JMJD1C: variants seen among roughly 807,000 people sequenced by gnomAD.
JMJD1C encodes the protein jumonji domain containing 1C.
A neutral mutation model predicts 245.3 loss-of-function variants in JMJD1C; 31 were observed. The observed-to-expected ratio is 0.13, with a 90% confidence interval of 0.09 to 0.17. The LOEUF is 0.17. JMJD1C is among the 10% of genes least tolerant of loss of function. The pLI is 1.00. For missense variants in JMJD1C, 2,691 were observed against 3,000.2 expected, an observed-to-expected ratio of 0.90 and a Z score of 2.41; for synonymous variants, 1,057 against 1,017.4, an observed-to-expected ratio of 1.04 and a Z score of -0.74.
Position 63,194,388 on chromosome 10 carries a change from A to G in JMJD1C, c.5645-13T>C, listed in dbSNP as rs760597102. Reference sequence around the variant, plus strand: ...TATAGTTCTTTATCTGTAAGATAATAAAACTTGTATATCACACTCATGGTT... The same window carrying G: ...TATAGTTCTTTATCTGTAAGATAATGAAACTTGTATATCACACTCATGGTT... On this transcript the variant is annotated splice_polypyrimidine_tract_variant and intron_variant, in intron 13 of 25. Transcript: ENST00000399262. The G allele has an allele frequency of 1.3e-6, 2 of 1,494,568 alleles. No homozygotes were observed. Among genetic ancestry groups the G allele is most frequent in the South Asian group, 1.1e-5 (1 of 88,666 alleles). 92.6% of individuals were successfully genotyped at this position (1,494,568 alleles called of 1,614,324 possible).
At chr10:63,445,297 T>C (rs1381670443) in intron 1 of JMJD1C, among the ~76,000 whole-genome samples, 7 of 152,138 alleles carry the variant, frequency 4.6e-5, no homozygotes, top group African/African-American at 1.7e-4. Context: ...ATAGAAAATG[T>C]TGACAGAGGA....
intron 3 of JMJD1C, among the ~76,000 whole-genome samples, chr10:63,238,059 T>C (rs1045689033): frequency 2.2e-5 from 3 of 135,296 alleles, no homozygotes; most frequent in African/African-American, 8.4e-5. Flanking sequence ...CAGGTGCCTG[T>C]AATCCCAGCT....
At chr10:63,197,811 ATT>A (rs2133057768) in intron 12 of JMJD1C, among the ~76,000 whole-genome samples, 1 of 152,354 alleles carries the variant, frequency 6.6e-6, no homozygotes, top group South Asian at 2.1e-4. Context: ...TACTTTTGAC[ATT>A]TTAGGTTGAA....
chr10:63,183,050 A>G (rs10995459), intron 22 of JMJD1C, among the ~76,000 whole-genome samples: 104,308 of 151,920 alleles, frequency 0.69, 37,638 homozygotes, highest in Non-Finnish European at 0.81. Flanking sequence ...TAGTAGAGAC[A>G]GGGTTATAGC....
chr10:63,482,149 G>A (rs537938895), intron 1 of JMJD1C, among the ~76,000 whole-genome samples: 2 of 151,946 alleles, frequency 1.3e-5, no homozygotes, highest in Non-Finnish European at 2.9e-5. Context: ...ATTTCCTTAC[G>A]ACATTGATGA....
intron 3 of JMJD1C, among the ~76,000 whole-genome samples, chr10:63,256,553 G>A (rs975189056): frequency 6.6e-6 from 1 of 151,998 alleles, no homozygotes; most frequent in African/African-American, 2.4e-5. Flanking sequence ...TCCTACTATC[G>A]AGGCTTCAGC....
intron 2 of JMJD1C, among the ~76,000 whole-genome samples, chr10:63,341,119 C>T (rs1454264659): frequency 2.6e-5 from 4 of 152,136 alleles, no homozygotes; most frequent in Admixed American, 2.6e-4. Context: ...CTGATCATGA[C>T]ACAAGCAAAT....
chr10:63,260,277 A>G lies in JMJD1C; in HGVS notation c.447+4374T>C, dbSNP rs188728728. Among the ~76,000 whole-genome samples, 170 of 152,344 alleles carry G rather than the reference A, an allele frequency of 1.1e-3. 1 individual carries two copies. Among genetic ancestry groups the G allele is most frequent in the African/African-American group, 3.7e-3 (155 of 41,574 alleles). On this transcript the variant is annotated intron_variant, in intron 3 of 25. Transcript: ENST00000399262. ...ATGTGATGCCTAAAAATACTGGACT[A>G]ACAAGCCAGACCAAGCCAGGTTAGT... is the stretch of plus-strand genomic sequence containing the variant.
chr10:63,466,142 C>CGGCGGG (rs1204745397), upstream of JMJD1C: 1 of 181,892 alleles, frequency 5.5e-6, no homozygotes, highest in Non-Finnish European at 1.1e-5. Context: ...GATCCAGAGG[C>CGGCGGG]GGCGGCGGCG....
In JMJD1C at chr10:63,207,423, C is replaced by T; in HGVS notation, c.4246G>A (p.Val1416Ile). 1 of 1,614,168 alleles carries T rather than the reference C, an allele frequency of 6.2e-7. No individual in the cohort carries two copies. The highest frequency in any genetic ancestry group is 8.5e-7 in the Non-Finnish European group (1 of 1,180,030). The change falls in exon 10 of 26, where the codon GTA becomes ATA. Residue 1416 changes from valine to isoleucine, a missense_variant. By Grantham distance (29) the Val-to-Ile change is conservative (BLOSUM62 3). This residue lies in a region of JMJD1C where 1,562 missense variants were observed against 1,490.7 expected (regional missense o/e 1.05). Coordinates refer to ENST00000399262, the MANE Select transcript of JMJD1C (RefSeq NM_032776.3). The part of the protein sequence containing the change: ...TSVSSWGGSE[V>I]ISSLSNTILA... ...ATGGTATTTGATAAAGAGGAAATTA[C>T]TTCTGAACCACCCCAGCTGGAAACA...
chr10:63,334,322 T>G (rs1477591351), intron 2 of JMJD1C, among the ~76,000 whole-genome samples: 1 of 152,246 alleles, frequency 6.6e-6, no homozygotes, highest in African/African-American at 2.4e-5. Flanking sequence ...GGATTTCATT[T>G]AATAAATCAA....
intron 1 of JMJD1C, among the ~76,000 whole-genome samples, chr10:63,445,138 T>C (rs1469695801): frequency 6.6e-6 from 1 of 152,166 alleles, no homozygotes; most frequent in African/African-American, 2.4e-5. Context: ...GTGGATCACC[T>C]GAGCCCAGGA....
chr10:63,403,086 G>A (rs1278863657), intron 1 of JMJD1C, among the ~76,000 whole-genome samples: 3 of 152,174 alleles, frequency 2.0e-5, no homozygotes, highest in African/African-American at 4.8e-5. Flanking sequence ...GAGACGGACA[G>A]ACCACTCTCT....
At chr10:63,460,081 G>GGAGT (rs1203864958) in intron 1 of JMJD1C, among the ~76,000 whole-genome samples, 1 of 152,128 alleles carries the variant, frequency 6.6e-6, no homozygotes, top group Admixed American at 6.5e-5. Context: ...ACCAATCAAT[G>GGAGT]GAGTTCTATT....
intron 10 of JMJD1C, chr10:63,203,297 G>T: frequency 1.0e-6 from 1 of 981,438 alleles, no homozygotes. Flanking sequence ...AAACCTAGAA[G>T]TTTGAGATTA....
rs775554336 is a variant in JMJD1C at position 63,206,605 on chromosome 10, G to A, written c.5064C>T (p.Ser1688=). Reference sequence around the variant, plus strand: ...AAGTAACTGACTTACTATTACTGTTGCTTTGCAACTTCAGTTTACTTCTTT... The same window carrying A: ...AAGTAACTGACTTACTATTACTGTTACTTTGCAACTTCAGTTTACTTCTTT... The part of the protein sequence containing the change: ...AKERSKLKLQ[S]NSNTGIPRSV... Residue 1688 remains serine (S), a synonymous_variant, in exon 10 of 26, where the codon AGC becomes AGT. Transcript: ENST00000399262. 6.3e-7 allele frequency: 1 copy of A among 1,588,676 alleles called. No homozygotes were observed. The highest frequency in any genetic ancestry group is 8.5e-7 in the Non-Finnish European group (1 of 1,170,856).
chr10:63,518,761 G>A (rs191019389), intron 1 of JMJD1C, among the ~76,000 whole-genome samples: 3 of 152,250 alleles, frequency 2.0e-5, no homozygotes, highest in Admixed American at 2.0e-4. Context: ...CACCTCTCTA[G>A]CCTTCACTCA....
intron 1 of JMJD1C, among the ~76,000 whole-genome samples, chr10:63,390,785 A>C (rs561490371): frequency 6.6e-6 from 1 of 152,300 alleles, no homozygotes; most frequent in Non-Finnish European, 1.5e-5. Flanking sequence ...GTATTTGATA[A>C]AATTCAACAT....
intron 2 of JMJD1C, among the ~76,000 whole-genome samples, chr10:63,313,836 C>G (rs1190769091): frequency 6.6e-6 from 1 of 152,144 alleles, no homozygotes; most frequent in Non-Finnish European, 1.5e-5. Flanking sequence ...GGATATTAGT[C>G]CTTTATAGGA....
Sources: gnomAD v4.1 joint callset for allele counts (sites outside exome capture counted in the v4.1 genomes callset) on GRCh38, gnomAD v4.1.1 for gene constraint, gnomAD v4.1.1 regional missense constraint, MANE v1.5 for transcripts, NCBI Gene and HGNC (gene_info 2026-07-23, HGNC 2026-07-21) for gene names.